The following CNTNAP2 variants were observed in gnomAD, a reference collection of about 807,000 sequenced individuals.
CNTNAP2 encodes contactin-associated protein-like 2.
Under a neutral mutation model 155.2 loss-of-function variants are expected in CNTNAP2, and 98 were observed. The ratio of observed to expected loss-of-function variants is 0.63; its 90% confidence interval spans 0.54 to 0.75. The LOEUF (loss-of-function observed/expected upper bound fraction) is 0.75. CNTNAP2 is among the 30% of genes least tolerant of loss of function. The pLI is 0.00. For synonymous variants in CNTNAP2, 651 were observed against 631.2 expected, an observed-to-expected ratio of 1.03 and a Z score of -0.47; for missense variants, 1,727 against 1,688.1, an observed-to-expected ratio of 1.02 and a Z score of -0.40.
At chr7:146,918,659 G>A (rs2129219277) in intron 3 of CNTNAP2, among the ~76,000 whole-genome samples, 1 of 152,274 alleles carries the variant, frequency 6.6e-6, no homozygotes, top group East Asian at 1.9e-4. Context: ...AATGTGCCTA[G>A]GCAGTGATCC....
At chr7:146,183,175 G>A (rs903889284) in intron 1 of CNTNAP2, among the ~76,000 whole-genome samples, 7 of 151,950 alleles carry the variant, frequency 4.6e-5, no homozygotes, top group Admixed American at 1.3e-4. Context: ...CAGTGCCTCT[G>A]TTATTACCTC....
At chr7:146,132,804 G>C (rs1382850647) in intron 1 of CNTNAP2, among the ~76,000 whole-genome samples, 1 of 149,578 alleles carries the variant, frequency 6.7e-6, no homozygotes, top group Non-Finnish European at 1.5e-5. Flanking sequence ...TCTTAATCCA[G>C]TCTATCGTTG....
At chr7:148,150,943 C>T (rs1356910501) in intron 17 of CNTNAP2, among the ~76,000 whole-genome samples, 1 of 152,066 alleles carries the variant, frequency 6.6e-6, no homozygotes, top group African/African-American at 2.4e-5. Flanking sequence ...TGATCTCAAA[C>T]TCCTGGGATC....
intron 2 of CNTNAP2, among the ~76,000 whole-genome samples, chr7:146,807,638 A>G (rs1460168660): frequency 1.3e-5 from 2 of 152,032 alleles, no homozygotes; most frequent in Admixed American, 6.6e-5. Flanking sequence ...ACGCTTTGGA[A>G]CCAGCTGAGC....
At chr7:148,115,016 T>C (rs1408238809) in intron 15 of CNTNAP2, among the ~76,000 whole-genome samples, 3 of 152,188 alleles carry the variant, frequency 2.0e-5, no homozygotes, top group Non-Finnish European at 2.9e-5. Flanking sequence ...TAACTCACAA[T>C]TGACAACTCC....
chr7:148,348,545 C>A (rs1798365053), intron 21 of CNTNAP2, among the ~76,000 whole-genome samples: 1 of 152,160 alleles, frequency 6.6e-6, no homozygotes, highest in Admixed American at 6.5e-5. Context: ...AGGCCAGGCC[C>A]TCACGGAGGA....
intron 1 of CNTNAP2, among the ~76,000 whole-genome samples, chr7:146,335,085 A>C (rs545134310): frequency 6.6e-6 from 1 of 152,334 alleles, no homozygotes; most frequent in Non-Finnish European, 1.5e-5. Flanking sequence ...AGTACCTAGC[A>C]AAATGTCTGC....
chr7:148,312,833 G>A (rs190839893), intron 21 of CNTNAP2, among the ~76,000 whole-genome samples: 5 of 151,870 alleles, frequency 3.3e-5, no homozygotes, highest in African/African-American at 1.2e-4. Context: ...GGTTTTAATG[G>A]GATGGTAAGG....
At chr7:147,611,431 G>A (rs12534582) in intron 12 of CNTNAP2, among the ~76,000 whole-genome samples, 103,445 of 151,628 alleles carry the variant, frequency 0.68, 35,671 homozygotes, top group African/African-American at 0.77. Context: ...AATGTAGTCA[G>A]TAACTCTAGC....
chr7:148,332,644 A>G (rs909823921), intron 21 of CNTNAP2, among the ~76,000 whole-genome samples: 1 of 152,232 alleles, frequency 6.6e-6, no homozygotes, highest in African/African-American at 2.4e-5. Context: ...CCTGCTAAGT[A>G]AGAAAAATTT....
chr7:146,643,481 G>A (rs939842881), intron 1 of CNTNAP2, among the ~76,000 whole-genome samples: 40 of 151,938 alleles, frequency 2.6e-4, no homozygotes, highest in Admixed American at 7.2e-4. Context: ...GATATGCAGC[G>A]TTATTTCTGA....
intron 21 of CNTNAP2, among the ~76,000 whole-genome samples, chr7:148,300,919 C>A (rs1416663239): frequency 6.6e-6 from 1 of 152,048 alleles, no homozygotes; most frequent in East Asian, 1.9e-4. Flanking sequence ...TTTTGCAAGA[C>A]AAAGAATTTC....
chr7:146,746,994 T>G (rs977347662), intron 1 of CNTNAP2, among the ~76,000 whole-genome samples: 1 of 152,140 alleles, frequency 6.6e-6, no homozygotes, highest in Non-Finnish European at 1.5e-5. Flanking sequence ...TCAAAGAGTA[T>G]AAAGCTCTTG....
intron 10 of CNTNAP2, among the ~76,000 whole-genome samples, chr7:147,454,729 C>CT (rs1269690306): frequency 0.022 from 3,255 of 146,742 alleles, 102 homozygotes; most frequent in African/African-American, 0.075. Flanking sequence ...TAGCCTTTCT[C>CT]TTTTTTTTTT....
At chr7:146,921,820 A>G (rs1243603393) in intron 3 of CNTNAP2, among the ~76,000 whole-genome samples, 3 of 152,150 alleles carry the variant, frequency 2.0e-5, no homozygotes, top group Admixed American at 2.0e-4. Flanking sequence ...CAGGTAGCAG[A>G]TGGAAACTGA....
intron 13 of CNTNAP2, among the ~76,000 whole-genome samples, chr7:147,741,460 G>A (rs1283749095): frequency 6.6e-6 from 1 of 152,172 alleles, no homozygotes; most frequent in East Asian, 1.9e-4. Context: ...GGCATAAGAA[G>A]CAAATAATTT....
At chr7:147,198,984 C>G (rs1407267018) in intron 8 of CNTNAP2, among the ~76,000 whole-genome samples, 1 of 114,212 alleles carries the variant, frequency 8.8e-6, no homozygotes, top group African/African-American at 3.4e-5. Context: ...TTTTTTGAGA[C>G]AGAATGATGC....
chr7:147,029,065 G>T (rs956460193), intron 3 of CNTNAP2, among the ~76,000 whole-genome samples: 2 of 145,758 alleles, frequency 1.4e-5, no homozygotes, highest in Non-Finnish European at 3.0e-5. Flanking sequence ...TCGGGTTCAC[G>T]CCATTCTCCC....
chr7:146,706,393 A>C (rs1800965808), intron 1 of CNTNAP2, among the ~76,000 whole-genome samples: 1 of 152,116 alleles, frequency 6.6e-6, no homozygotes, highest in Non-Finnish European at 1.5e-5. Context: ...TATGAAGAAA[A>C]ATTAAAAAAG....
Sources: allele counts gnomAD v4.1 joint callset (sites outside exome capture counted in the v4.1 genomes callset), GRCh38; gene constraint gnomAD v4.1.1; transcripts MANE v1.5; gene names NCBI Gene and HGNC (gene_info 2026-07-23, HGNC 2026-07-21).